Variants in MEGF10 observed in about 807,000 individuals in gnomAD.
MEGF10 encodes the protein multiple EGF like domains 10.
Under a neutral mutation model 147.5 loss-of-function variants are expected in MEGF10, and 86 were observed. The ratio of observed to expected loss-of-function variants is 0.58; its 90% CI spans 0.49 to 0.70. The LOEUF (loss-of-function observed/expected upper bound fraction) is 0.70. Ranked by LOEUF, MEGF10 falls within the 30% of genes least tolerant of loss-of-function variation. The pLI is 0.00. For synonymous variants in MEGF10, 478 were observed against 525.5 expected (o/e 0.91, Z 1.24); for missense variants, 1,329 against 1,487.3 (o/e 0.89, Z 1.75).
chr5:127,358,449 CA>C (rs1423308424), intron 4 of MEGF10, among the ~76,000 whole-genome samples: 2 of 152,062 alleles, frequency 1.3e-5, no homozygotes, highest in Non-Finnish European at 2.9e-5. Context: ...TAGGGCAGAC[CA>C]GGGGAAATGC....
chr5:127,449,124 A>G lies in MEGF10; in HGVS notation c.2882A>G (p.Asn961Ser), dbSNP rs902313197. 1 of 1,613,962 alleles carries G rather than the reference A, an allele frequency of 6.2e-7. No homozygotes were observed. Among genetic ancestry groups the G allele is most frequent in the Non-Finnish European group, 8.5e-7 (1 of 1,179,988 alleles). ...TCAAAAAACAATCAACTGTTTGTGA[A>G]TCTTAAAAATGTGAACCCTGGGAAG... The part of the protein sequence containing the change: ...TKSKNNQLFV[N>S]LKNVNPGKRG... The change falls in exon 22 of 25, where the codon AAT becomes AGT. Residue 961 changes from asparagine (N) to serine (S), a missense_variant. By Grantham distance (46) the Asn-to-Ser change is conservative. Around this residue, in one of 3 missense-constraint regions of MEGF10, gnomAD observed 343 missense variants for 377.9 expected, o/e 0.91. Transcript: ENST00000503335.
At chr5:127,275,198 A>T in the MEGF10 span, among the ~76,000 whole-genome samples, 4 of 152,252 alleles carry the variant, frequency 2.6e-5, no homozygotes, top group African/African-American at 9.6e-5. Context: ...TGCCTGTCTT[A>T]TATCAAAAAG....
At chr5:127,251,002 T>C in the MEGF10 span, among the ~76,000 whole-genome samples, 7,175 of 152,118 alleles carry the variant, frequency 0.047, 285 homozygotes, top group African/African-American at 0.1. Context: ...GCAGGACTTT[T>C]CTAAACAGAA....
At chr5:127,378,849 T>A (rs1763136112) in intron 5 of MEGF10, among the ~76,000 whole-genome samples, 1 of 151,562 alleles carries the variant, frequency 6.6e-6, no homozygotes, top group Non-Finnish European at 1.5e-5. Context: ...ATTTTGTTTT[T>A]GTTTTTGGTT....
intron 14 of MEGF10, among the ~76,000 whole-genome samples, chr5:127,434,135 C>T (rs1186160687): frequency 1.3e-5 from 2 of 152,096 alleles, no homozygotes; most frequent in Non-Finnish European, 2.9e-5. Flanking sequence ...ATGCAGTTAT[C>T]ATATATTTAA....
In MEGF10 at chr5:127,458,256, G is replaced by A. The variant is rs1035951849; in HGVS notation, c.*938G>A. Reference sequence around the variant, plus strand: ...GACGCTTACGTTCTGTAAACCATTAGTAATACATGCTGTAATATAGAATTA... The same window carrying A: ...GACGCTTACGTTCTGTAAACCATTAATAATACATGCTGTAATATAGAATTA... On this transcript the variant is annotated 3_prime_UTR_variant, in exon 25 of 25. Transcript: ENST00000503335. The A allele has an allele frequency of 2.0e-5, 3 of 152,190 alleles. No individual in the cohort carries two copies. The highest frequency in any genetic ancestry group is 4.4e-5 in the Non-Finnish European group (3 of 68,024). The allele number at this position is 152,190 out of a possible 1,614,324, so 9.4% of individuals were successfully genotyped here.
intron 5 of MEGF10, among the ~76,000 whole-genome samples, chr5:127,390,447 G>A (rs145424673): frequency 2.6e-5 from 4 of 152,112 alleles, no homozygotes; most frequent in Non-Finnish European, 4.4e-5. Context: ...AAGCCAGCAC[G>A]CTGGGCTAAT....
chr5:127,254,023 C>A, the MEGF10 span, among the ~76,000 whole-genome samples: 1 of 152,120 alleles, frequency 6.6e-6, no homozygotes, highest in Non-Finnish European at 1.5e-5. Flanking sequence ...CAGCAATCTA[C>A]AGCTTTGCAC....
intron 1 of MEGF10, among the ~76,000 whole-genome samples, chr5:127,298,213 C>G (rs1759594847): frequency 6.6e-6 from 1 of 152,184 alleles, no homozygotes. Flanking sequence ...ACCACCTCCA[C>G]CAGGTGGCTT....
chr5:127,302,390 G>T (rs1308398926), intron 1 of MEGF10, among the ~76,000 whole-genome samples: 1 of 152,182 alleles, frequency 6.6e-6, no homozygotes, highest in South Asian at 2.1e-4. Flanking sequence ...CACATATTGT[G>T]TGGTTTCACT....
intron 15 of MEGF10, 95 bp from the exon 16 acceptor site, chr5:127,435,266 G>A: frequency 6.9e-7 from 1 of 1,446,258 alleles, no homozygotes. Context: ...GAGCAGCTGG[G>A]CCTGTGACCT....
chr5:127,427,126 G>A (rs145898709), intron 13 of MEGF10, among the ~76,000 whole-genome samples: 67 of 152,322 alleles, frequency 4.4e-4, no homozygotes, highest in Non-Finnish European at 8.7e-4. Flanking sequence ...CTTGGGCAGG[G>A]GCTCTTGCAT....
At chr5:127,346,609 T>C (rs571506619) in intron 4 of MEGF10, among the ~76,000 whole-genome samples, 46 of 152,332 alleles carry the variant, frequency 3.0e-4, no homozygotes, top group African/African-American at 5.5e-4. Flanking sequence ...TTCTGAATAT[T>C]AGTCCTTTGT....
chr5:127,266,777 C>T, the MEGF10 span, among the ~76,000 whole-genome samples: 1 of 152,146 alleles, frequency 6.6e-6, no homozygotes, highest in Non-Finnish European at 1.5e-5. Context: ...ATTTTGTATC[C>T]TGAGACTTCG....
chr5:127,364,239 C>G (rs1333528324), intron 4 of MEGF10, among the ~76,000 whole-genome samples: 1 of 152,192 alleles, frequency 6.6e-6, no homozygotes, highest in African/African-American at 2.4e-5. Flanking sequence ...TTTTCATCAT[C>G]TCAATACAAC....
At chr5:127,288,047 G>A (rs1036217531), upstream of MEGF10, among the ~76,000 whole-genome samples, 2 of 152,048 alleles carry the variant, frequency 1.3e-5, no homozygotes, top group African/African-American at 4.8e-5. Flanking sequence ...GGATATCCAT[G>A]TAGACAATAA....
intron 19 of MEGF10, among the ~76,000 whole-genome samples, chr5:127,443,531 A>C (rs1765833975): frequency 6.6e-6 from 1 of 152,184 alleles, no homozygotes; most frequent in Non-Finnish European, 1.5e-5. Flanking sequence ...ATACCTATGA[A>C]ACCATCACCA....
chr5:127,252,469 C>G, the MEGF10 span, among the ~76,000 whole-genome samples: 1 of 151,662 alleles, frequency 6.6e-6, no homozygotes, highest in African/African-American at 2.4e-5. Context: ...AGTTTCATAT[C>G]ATTTATAATA....
At chr5:127,294,873 C>A (rs1190110947) in intron 1 of MEGF10, among the ~76,000 whole-genome samples, 3 of 150,690 alleles carry the variant, frequency 2.0e-5, no homozygotes, top group Non-Finnish European at 4.4e-5. Flanking sequence ...GACAGAATAT[C>A]CTAAGAGGAC....
Sources: allele counts gnomAD v4.1 joint callset (sites outside exome capture counted in the v4.1 genomes callset), GRCh38; gene constraint gnomAD v4.1.1; regional missense constraint gnomAD v4.1.1; transcripts MANE v1.5; gene names NCBI Gene and HGNC (gene_info 2026-07-23, HGNC 2026-07-21).